The following TERF2IP variants were observed in gnomAD, a reference collection of about 807,000 sequenced individuals.
The protein encoded by TERF2IP is telomeric repeat-binding factor 2-interacting protein 1.
A neutral mutation model predicts 33.3 loss-of-function variants in TERF2IP; 35 were observed. The observed-to-expected ratio is 1.05, with a 90% CI of 0.80 to 1.39. The LOEUF (loss-of-function observed/expected upper bound fraction) is 1.39, where lower values mean the gene tolerates loss of function less well. Among genes scored for constraint, TERF2IP ranks in the 40% most tolerant of loss-of-function variants. TERF2IP has a pLI of 0.00. For synonymous variants in TERF2IP, 253 were observed against 223.2 expected, an observed-to-expected ratio of 1.13 and a Z score of -1.19; for missense variants, 583 against 524.8, an observed-to-expected ratio of 1.11 and a Z score of -1.08.
chr16:75,648,659 G>A (rs978624809), intron 1 of TERF2IP, 107 bp downstream of exon 1: 2 of 1,436,640 alleles, frequency 1.4e-6, no homozygotes, highest in Admixed American at 5.6e-5. Flanking sequence ...GCAGCGCTTG[G>A]CCCCGCCCCC....
rs896925236 is a variant in TERF2IP at position 75,648,225 on chromosome 16, C to T, written c.343C>T (p.Pro115Ser). ...GGCGGACACCGGCTCGGAAGCAAAG[C>T]CCGGGGCCCTGGCCGAGGGCGCCGC... is the stretch of plus-strand genomic sequence containing the variant. The part of the protein sequence containing the change: ...SAADTGSEAK[P>S]GALAEGAAEP... The change falls in exon 1 of 3, where the codon CCC becomes TCC. Residue 115 changes from proline (P) to serine (S), a missense_variant. Transcript: ENST00000300086. The T allele has an allele frequency of 1.3e-6, 2 of 1,545,228 alleles. No individual in the cohort carries two copies. Among genetic ancestry groups the T allele is most frequent in the African/African-American group, 1.4e-5 (1 of 73,440 alleles).
chr16:75,655,138 T>G (rs2082375557), intron 2 of TERF2IP, among the ~76,000 whole-genome samples: 1 of 152,256 alleles, frequency 6.6e-6, no homozygotes, highest in Admixed American at 6.5e-5. Context: ...TGCCTCAGCC[T>G]CCTGGGTAAC....
rs968416536 is a variant in TERF2IP, at chr16:75,648,080, G to T, written c.198G>T (p.Gln66His). ...AGCCCGGGGCCGTGCTGCTGGCCCA[G>T]CCCGGGGAGGCGCTGGCCGAGGCCT... Reference protein sequence around the residue: ...VQEPGAVLLAQPGEALAEASG... With the variant: ...VQEPGAVLLAHPGEALAEASG... Residue 66 changes from glutamine to histidine, a missense_variant, in exon 1 of 3, where the codon CAG becomes CAT. Transcript: ENST00000300086. 6.4e-7 allele frequency: 1 copy of T among 1,571,852 alleles called. No individual in the cohort carries two copies. The highest frequency in any genetic ancestry group is 8.6e-7 in the Non-Finnish European group (1 of 1,158,858).
intron 1 of TERF2IP, 199 bp downstream of exon 1, chr16:75,648,751 G>C (rs1277992989): frequency 2.1e-6 from 3 of 1,402,068 alleles, no homozygotes; most frequent in Non-Finnish European, 2.8e-6. Context: ...TTTGCGATGG[G>C]TCTCTGTTAC....
intron 1 of TERF2IP, among the ~76,000 whole-genome samples, chr16:75,651,445 T>G (rs1252389268): frequency 3.9e-5 from 6 of 152,128 alleles, no homozygotes; most frequent in African/African-American, 1.4e-4. Context: ...TCCTAGCACT[T>G]TGGGAGGCCA....
chr16:75,650,024 C>T (rs2082335620), intron 1 of TERF2IP, among the ~76,000 whole-genome samples: 1 of 152,126 alleles, frequency 6.6e-6, no homozygotes, highest in African/African-American at 2.4e-5. Flanking sequence ...TCTTTTTCTC[C>T]TGTTCAGTAT....
At chr16:75,649,838 G>A (rs751339692) in intron 1 of TERF2IP, among the ~76,000 whole-genome samples, 52 of 152,248 alleles carry the variant, frequency 3.4e-4, no homozygotes, top group Admixed American at 2.0e-3. Context: ...GTATGTCTAG[G>A]ATACAGAACG....
chr16:75,648,556 A>T lies in TERF2IP; in HGVS notation c.670+4A>T. The stretch of plus-strand genomic sequence containing the variant: ...CCGGAGGCCGCGGATAGCGGGGGTG[A>T]GGAGGCTGAGCGCGGGGCCTCGCGG... On this transcript the variant is annotated splice_donor_region_variant and intron_variant, in intron 1 of 2. Transcript: ENST00000300086. The T allele has an allele frequency of 6.5e-7, 1 of 1,542,820 alleles. No homozygotes were observed. Among genetic ancestry groups the T allele is most frequent in the Non-Finnish European group, 8.8e-7 (1 of 1,140,600 alleles).
At chr16:75,654,480 C>A in intron 2 of TERF2IP, 83 bp downstream of exon 2, 1 of 1,401,194 alleles carries the variant, frequency 7.1e-7, no homozygotes, top group Non-Finnish European at 9.6e-7. Flanking sequence ...CCTTTTTCAT[C>A]TACCTGGGGC....
At position 75,656,802 on chromosome 16, in the gene TERF2IP, T is replaced by C. The variant is rs2082390585; in HGVS notation, c.*191T>C. ...TAGAGGGGGATAAAAAGAAAAGAAA[T>C]TGGATGTATTTACAGCTGTCCTTGA... On this transcript the variant is annotated 3_prime_UTR_variant, in exon 3 of 3. Transcript: ENST00000300086. The C allele has an allele frequency of 3.4e-6, 2 of 589,398 alleles. No homozygotes were observed. Among genetic ancestry groups the C allele is most frequent in the Admixed American group, 3.3e-5 (1 of 30,150 alleles). The allele number at this position is 589,398 out of a possible 1,614,324, so 36.5% of individuals were successfully genotyped here. A position where few individuals can be genotyped will look rare whatever the true frequency, so the allele number is the denominator to read the frequency against.
At chr16:75,649,946 G>A (rs542110251) in intron 1 of TERF2IP, among the ~76,000 whole-genome samples, 6 of 152,186 alleles carry the variant, frequency 3.9e-5, no homozygotes, top group Admixed American at 1.3e-4. Context: ...CTCCCCCTCC[G>A]TAATCCTCCC....
chr16:75,656,554 G>A lies in TERF2IP; in HGVS notation c.1143G>A (p.Leu381=). The stretch of plus-strand genomic sequence containing the variant: ...ATGATGAGGATACCAGAGAGGCATT[G>A]GTCAAAAAATTTGGTGCTCAGAATG... ...QKDDEDTREA[L]VKKFGAQNVA... Residue 381 remains leucine (L), a synonymous_variant, in exon 3 of 3, where the codon TTG becomes TTA. Transcript: ENST00000300086. The A allele has an allele frequency of 1.2e-6, 2 of 1,613,002 alleles. No homozygotes were observed. The highest frequency in any genetic ancestry group is 4.5e-5 in the East Asian group (2 of 44,882).
chr16:75,648,267 C>G lies in TERF2IP; in HGVS notation c.385C>G (p.Arg129Gly). The change falls in exon 1 of 3, where the codon CGG becomes GGG. Residue 129 changes from arginine (R) to glycine (G), a missense_variant. Arg to Gly is a moderately radical substitution (Grantham distance 125, BLOSUM62 -2). Transcript: ENST00000300086. ...AEGAAEPEPQ[R>G]HAGRIAFTDA... ...GGGCGCCGCGGAGCCGGAGCCGCAG[C>G]GGCACGCCGGGCGGATCGCCTTCAC... 1.9e-6 allele frequency: 3 copies of G among 1,548,556 alleles called. No individual in the cohort carries two copies. Among genetic ancestry groups the G allele is most frequent in the Non-Finnish European group, 2.6e-6 (3 of 1,145,782 alleles).
chr16:75,648,791 C>A, intron 1 of TERF2IP: 1 of 1,165,350 alleles, frequency 8.6e-7, no homozygotes, highest in Non-Finnish European at 1.1e-6. Context: ...TGAGCTCAAG[C>A]GATCCTCCTG....
At chr16:75,654,604 G>T (rs894712884) in intron 2 of TERF2IP, among the ~76,000 whole-genome samples, 4 of 152,164 alleles carry the variant, frequency 2.6e-5, no homozygotes, top group Non-Finnish European at 4.4e-5. Flanking sequence ...TTAGTTTTTG[G>T]CAGGACAAGT....
At position 75,647,848 on chromosome 16, in the gene TERF2IP, G is replaced by C. The variant is rs753007553; in HGVS notation, c.-35G>C. ...AGCTCTGTGTGCCAGGCGCTCGCGA[G>C]GGGGTAGCTCTTCTAGTAGTGCTCG... On this transcript the variant is annotated 5_prime_UTR_variant, in exon 1 of 3. Coordinates refer to ENST00000300086, the MANE Select transcript of TERF2IP (RefSeq NM_018975.4). The C allele has an allele frequency of 1.9e-6, 3 of 1,596,378 alleles. No individual in the cohort carries two copies. The highest frequency in any genetic ancestry group is 1.7e-5 in the Admixed American group (1 of 58,104).
At position 75,654,398 on chromosome 16, in the gene TERF2IP, G is replaced by A. The variant is rs762123075; in HGVS notation, c.795+1G>A. ...CACCCGGGAGTTTGAGGAGGTTGTG[G>A]TATGTTAACTAGATTTACTCATTAT... On this transcript the variant is annotated splice_donor_variant, in intron 2 of 2. Transcript: ENST00000300086. LOFTEE classifies it high-confidence loss of function. 1.9e-6 allele frequency: 3 copies of A among 1,612,396 alleles called. No individual in the cohort carries two copies. The highest frequency in any genetic ancestry group is 2.7e-5 in the African/African-American group (2 of 74,970).
chr16:75,652,910 T>G (rs2151819068), intron 1 of TERF2IP, among the ~76,000 whole-genome samples: 2 of 152,322 alleles, frequency 1.3e-5, no homozygotes, highest in South Asian at 4.1e-4. Context: ...TAAACACTAA[T>G]TCCCCATTTC....
chr16:75,649,583 GCTACCCAC>G (rs2082331903), intron 1 of TERF2IP, among the ~76,000 whole-genome samples: 1 of 151,970 alleles, frequency 6.6e-6, no homozygotes, highest in African/African-American at 2.4e-5. Flanking sequence ...CTGTCCACCA[GCTACCCAC>G]GGGCTAACTG....
Sources: allele counts gnomAD v4.1 joint callset (sites outside exome capture counted in the v4.1 genomes callset), GRCh38; gene constraint gnomAD v4.1.1; transcripts MANE v1.5; gene names NCBI Gene and HGNC (gene_info 2026-07-23, HGNC 2026-07-21).